The following ABHD12 variants were observed in gnomAD, a reference collection of about 807,000 sequenced individuals.
The protein encoded by ABHD12 is lysophosphatidylserine lipase ABHD12.
In ABHD12, 43 loss-of-function variants were observed where a neutral mutation model predicts 58.3. The ratio of observed to expected loss-of-function variants is 0.74; its 90% CI spans 0.58 to 0.95. ABHD12 has a LOEUF of 0.95. Ranked by LOEUF, ABHD12 falls within the 40% of genes least tolerant of loss-of-function variation. The pLI is 0.00. For missense variants in ABHD12, 539 were observed against 537.2 expected, an observed-to-expected ratio of 1.00 and a Z score of -0.03; for synonymous variants, 219 against 211.2, an observed-to-expected ratio of 1.04 and a Z score of -0.32.
downstream of ABHD12, chr20:25,296,497 C>G (rs116595887): frequency 4.3e-6 from 7 of 1,613,484 alleles, no homozygotes; most frequent in African/African-American, 5.3e-5. Flanking sequence ...CTGCAGATCC[C>G]GCCCCCCAAC....
chr20:25,312,016 CTT>C (rs1369771299), intron 6 of ABHD12, among the ~76,000 whole-genome samples: 2 of 151,958 alleles, frequency 1.3e-5, no homozygotes, highest in Non-Finnish European at 2.9e-5. Context: ...CCAGAATACA[CTT>C]TAAAACAGTC....
intron 2 of ABHD12, among the ~76,000 whole-genome samples, chr20:25,336,556 G>C (rs979675827): frequency 1.3e-5 from 2 of 152,160 alleles, no homozygotes; most frequent in African/African-American, 4.8e-5. Context: ...TCTTGTCTGG[G>C]CACAAGAGCA....
downstream of ABHD12, chr20:25,296,369 G>T (rs767542908): frequency 1.9e-6 from 3 of 1,613,894 alleles, no homozygotes; most frequent in African/African-American, 2.7e-5. Flanking sequence ...CTTCCCTGCA[G>T]AACCCCAAGG....
chr20:25,389,439 T>G (rs1311197421), intron 1 of ABHD12, among the ~76,000 whole-genome samples: 2 of 152,184 alleles, frequency 1.3e-5, no homozygotes, highest in Non-Finnish European at 2.9e-5. Context: ...CAGCGTCAAC[T>G]AAGGGCATTC....
chr20:25,350,924 A>G (rs1306120335), intron 1 of ABHD12, among the ~76,000 whole-genome samples: 2 of 150,768 alleles, frequency 1.3e-5, no homozygotes, highest in Non-Finnish European at 3.0e-5. Context: ...AAGCTGTAGA[A>G]AAGCCTCATC....
chr20:25,355,540 A>G (rs2089655568), intron 1 of ABHD12, among the ~76,000 whole-genome samples: 1 of 152,080 alleles, frequency 6.6e-6, no homozygotes, highest in Admixed American at 6.6e-5. Context: ...TGCATTTGAC[A>G]AAGTATAAAC....
At chr20:25,345,191 T>C (rs1234010870) in intron 1 of ABHD12, among the ~76,000 whole-genome samples, 2 of 152,220 alleles carry the variant, frequency 1.3e-5, no homozygotes, top group Admixed American at 1.3e-4. Context: ...GTTCAAGCTA[T>C]TCTCCTGCCT....
intron 2 of ABHD12, among the ~76,000 whole-genome samples, chr20:25,324,687 GAGGAC>G (rs2089142863): frequency 6.6e-6 from 1 of 152,112 alleles, no homozygotes; most frequent in South Asian, 2.1e-4. Flanking sequence ...CTGGACTCAC[GAGGAC>G]ATGGGGACAT....
At position 25,348,567 on chromosome 20, in the gene ABHD12, GCTGTGACTGAGC is replaced by G. The variant is rs1018306558; in HGVS notation, c.192-9228_192-9217del. Among the ~76,000 whole-genome samples, 6 of 151,918 alleles carry G rather than the reference GCTGTGACTGAGC, an allele frequency of 3.9e-5. No homozygotes were observed. The East Asian group carries it at 1.2e-3, about 29-fold the overall frequency. ...GCCTGGGAGGTTGAGGCTGCAATGA[GCTGTGACTGAGC>G]CTGTGACTAGCCATGACACTCCAGT... On this transcript the variant is annotated intron_variant, in intron 1 of 12. Coordinates refer to ENST00000339157, the MANE Select transcript of ABHD12 (RefSeq NM_001042472.3).
At chr20:25,319,192 G>A (rs2089020244) in intron 4 of ABHD12, among the ~76,000 whole-genome samples, 1 of 152,218 alleles carries the variant, frequency 6.6e-6, no homozygotes, top group Admixed American at 6.5e-5. Flanking sequence ...TTCAGAAAAT[G>A]TATCCCCTCC....
chr20:25,367,784 C>G (rs192490838), intron 1 of ABHD12, among the ~76,000 whole-genome samples: 1 of 152,218 alleles, frequency 6.6e-6, no homozygotes, highest in Admixed American at 6.5e-5. Flanking sequence ...TTTTGCTTAT[C>G]CATTCATCCA....
Position 25,387,589 on chromosome 20 carries a change from TTAAAA to T in ABHD12, c.191+2919_191+2923del, listed in dbSNP as rs1393745489. 1.4e-4 allele frequency among the ~76,000 whole-genome samples: 12 copies of T among 85,252 alleles called. No homozygotes were observed. The Admixed American group carries it at 1.6e-3, about 12-fold the overall frequency. The allele number at this position is 85,252 out of a possible 152,430, so 55.9% of individuals were successfully genotyped here. ...GCAACATAGTGAGACTTCATCTCTA[TTAAAA>T]AAAAAAAAAAAAAATTAACCAGGAG... On this transcript the variant is annotated intron_variant, in intron 1 of 12. Transcript: ENST00000339157.
chr20:25,358,166 T>C (rs1022222586), intron 1 of ABHD12, among the ~76,000 whole-genome samples: 21 of 152,126 alleles, frequency 1.4e-4, no homozygotes, highest in African/African-American at 4.8e-4. Context: ...CTTTGACCCA[T>C]CAAATCTCAA....
intron 2 of ABHD12, among the ~76,000 whole-genome samples, chr20:25,327,675 T>G (rs1044238979): frequency 9.2e-5 from 14 of 152,120 alleles, no homozygotes; most frequent in African/African-American, 3.1e-4. Context: ...GAAACAAACC[T>G]CCTTGCCTGG....
At chr20:25,381,278 C>A (rs1178282528) in intron 1 of ABHD12, among the ~76,000 whole-genome samples, 2 of 152,164 alleles carry the variant, frequency 1.3e-5, no homozygotes, top group Non-Finnish European at 2.9e-5. Context: ...CTCACTGGCA[C>A]CATTTTCCTC....
chr20:25,374,109 T>C (rs1269836841), intron 1 of ABHD12, among the ~76,000 whole-genome samples: 1 of 152,134 alleles, frequency 6.6e-6, no homozygotes, highest in African/African-American at 2.4e-5. Flanking sequence ...TTTTTTCTTT[T>C]TTGATGAGGT....
intron 5 of ABHD12, among the ~76,000 whole-genome samples, chr20:25,316,351 G>A (rs1434333259): frequency 1.3e-5 from 2 of 152,120 alleles, no homozygotes; most frequent in African/African-American, 2.4e-5. Context: ...TAGTAGAGAC[G>A]GGGTTTCACC....
At chr20:25,313,327 G>A (rs1444180919) in intron 6 of ABHD12, among the ~76,000 whole-genome samples, 177 of 144,440 alleles carry the variant, frequency 1.2e-3, no homozygotes, top group South Asian at 2.2e-3. Flanking sequence ...TCCACTCAGG[G>A]TTAAATGGAT....
At chr20:25,374,743 T>C (rs1414788629) in intron 1 of ABHD12, among the ~76,000 whole-genome samples, 2 of 152,050 alleles carry the variant, frequency 1.3e-5, no homozygotes, top group African/African-American at 2.4e-5. Flanking sequence ...CAGGTGATCC[T>C]CCCGCCTCGG....
Sources: allele counts gnomAD v4.1 joint callset (sites outside exome capture counted in the v4.1 genomes callset), GRCh38; gene constraint gnomAD v4.1.1; transcripts MANE v1.5; gene names NCBI Gene and HGNC (gene_info 2026-07-23, HGNC 2026-07-21).